CHD9: variants seen among roughly 807,000 people sequenced by gnomAD.
CHD9 encodes the protein chromodomain helicase DNA binding protein 9.
Under a neutral mutation model 316.1 loss-of-function variants are expected in CHD9, and 77 were observed. That is an observed-to-expected ratio of 0.24 (90% CI 0.20 to 0.29). The LOEUF (loss-of-function observed/expected upper bound fraction) is 0.29. Among genes scored for constraint, CHD9 ranks in the 10% least tolerant of loss-of-function variants. The probability of loss-of-function intolerance (pLI) is 1.00; values close to 1 mark genes in which losing one functional copy is unlikely to be tolerated. For synonymous variants in CHD9, 1,129 were observed against 1,158.3 expected (o/e 0.97, Z 0.51); for missense variants, 2,763 against 3,438.1 (o/e 0.80, Z 4.91).
chr16:53,263,217 G>A, intron 20 of CHD9, 120 bp downstream of exon 20: 1 of 642,446 alleles, frequency 1.6e-6, no homozygotes, highest in South Asian at 2.2e-5. Context: ...TATATAAATT[G>A]AAGTAGGGTA....
In CHD9 at chr16:53,326,511, AC is replaced by A. The variant is rs1041281182; in HGVS notation, c.*1617del. ...TGTAAAATAACCCCTTATTAGAGAG[AC>A]AGTGTTATATGTATTTACAAAATTA... is the stretch of plus-strand genomic sequence containing the variant. On this transcript the variant is annotated 3_prime_UTR_variant, in exon 39 of 39. Coordinates refer to ENST00000447540, the MANE Select transcript of CHD9 (RefSeq NM_001308319.2). 2.0e-5 allele frequency: 3 copies of A among 152,450 alleles called. No homozygotes were observed. The highest frequency in any genetic ancestry group is 6.6e-5 in the Admixed American group (1 of 15,260). The allele number at this position is 152,450 out of a possible 1,614,324, so 9.4% of individuals were successfully genotyped here.
chr16:53,180,683 A>AT (rs537506077), intron 2 of CHD9, among the ~76,000 whole-genome samples: 1,731 of 150,670 alleles, frequency 0.011, 29 homozygotes, highest in African/African-American at 0.04. Flanking sequence ...TAAATTTATT[A>AT]TTTTTTTTTG....
chr16:53,250,088 C>CA (rs2152966414), intron 17 of CHD9, 22 bp downstream of exon 17: 2 of 1,549,084 alleles, frequency 1.3e-6, no homozygotes, highest in South Asian at 1.2e-5. Context: ...CCTTGGCTAA[C>CA]AAAAAATGCA....
In CHD9 at chr16:53,307,697, A is replaced by C; in HGVS notation, c.6797A>C (p.Asn2266Thr). ...CTTTTCTAGGATCGTGTGATGATCA[A>C]TAGGTTGGACAGTATTTGTCAAACA... is the stretch of plus-strand genomic sequence containing the variant. Reference protein sequence around the residue: ...SYWPKDRVMINRLDSICQTVL... With the variant: ...SYWPKDRVMITRLDSICQTVL... Residue 2266 changes from asparagine (N) to threonine (T), a missense_variant, in exon 33 of 39, where the codon AAT becomes ACT. Transcript: ENST00000447540. The C allele has an allele frequency of 6.2e-7, 1 of 1,608,940 alleles. No homozygotes were observed. The highest frequency in any genetic ancestry group is 8.5e-7 in the Non-Finnish European group (1 of 1,177,458).
intron 30 of CHD9, among the ~76,000 whole-genome samples, chr16:53,302,906 A>G (rs150582114): frequency 1.3e-5 from 2 of 152,330 alleles, no homozygotes; most frequent in East Asian, 3.9e-4. Flanking sequence ...TATCAGAGGT[A>G]TGAGGTAGCA....
chr16:53,167,088 A>G (rs1370701842), intron 2 of CHD9, among the ~76,000 whole-genome samples: 2 of 152,172 alleles, frequency 1.3e-5, no homozygotes, highest in South Asian at 2.1e-4. Context: ...CAGTACCCAC[A>G]CTATGGACAG....
chr16:53,172,471 A>G (rs1470842039), intron 2 of CHD9, among the ~76,000 whole-genome samples: 2 of 152,196 alleles, frequency 1.3e-5, no homozygotes, highest in Non-Finnish European at 2.9e-5. Flanking sequence ...ATCAATGAAG[A>G]CACTATGAAC....
Position 53,255,625 on chromosome 16 carries a change from T to C in CHD9, c.4055T>C (p.Ile1352Thr). 4 of 1,612,946 alleles carry C rather than the reference T, an allele frequency of 2.5e-6. No homozygotes were observed. The highest frequency in any genetic ancestry group is 2.5e-6 in the Non-Finnish European group (3 of 1,179,578). Residue 1352 changes from isoleucine to threonine, a missense_variant, in exon 19 of 39, where the codon ATA becomes ACA. This residue lies in a region of CHD9 where 199 missense variants were observed against 251.7 expected (regional missense o/e 0.79). Transcript: ENST00000447540. ...GGIQQLSKKEIEDLLRRGAYG... is the reference protein window; with the variant it reads ...GGIQQLSKKETEDLLRRGAYG... Reference sequence around the variant, plus strand: ...ATTCAGCAGCTTTCCAAAAAGGAAATAGAAGATCTGCTTCGAAGAGGTGCT... The same window carrying C: ...ATTCAGCAGCTTTCCAAAAAGGAAACAGAAGATCTGCTTCGAAGAGGTGCT...
chr16:53,079,817 G>T (rs1339950304), intron 1 of CHD9, among the ~76,000 whole-genome samples: 1 of 152,230 alleles, frequency 6.6e-6, no homozygotes, highest in Non-Finnish European at 1.5e-5. Flanking sequence ...CTCCCAGAGA[G>T]AGCATGGAAG....
chr16:53,144,632 G>A (rs180736018), intron 1 of CHD9, among the ~76,000 whole-genome samples: 1 of 151,560 alleles, frequency 6.6e-6, no homozygotes. Context: ...GGGTTCAAGC[G>A]ATTCTCCCGC....
intron 1 of CHD9, among the ~76,000 whole-genome samples, chr16:53,095,671 G>A (rs1596968540): frequency 6.6e-6 from 1 of 152,120 alleles, no homozygotes; most frequent in Non-Finnish European, 1.5e-5. Flanking sequence ...ATTCAGCTAC[G>A]GTCCACTTGT....
chr16:53,270,887 T>TA (rs1398310134), intron 22 of CHD9, among the ~76,000 whole-genome samples: 2 of 151,998 alleles, frequency 1.3e-5, no homozygotes, highest in Admixed American at 6.6e-5. Context: ...CAAAGCGGTT[T>TA]AAAAAAAGGC....
At chr16:53,132,956 G>A (rs567048785) in intron 1 of CHD9, among the ~76,000 whole-genome samples, 6 of 152,006 alleles carry the variant, frequency 3.9e-5, no homozygotes, top group Admixed American at 1.3e-4. Context: ...TTACAGGTGC[G>A]CGCCACCACG....
At chr16:53,092,270 T>C (rs1217561847) in intron 1 of CHD9, among the ~76,000 whole-genome samples, 2 of 139,402 alleles carry the variant, frequency 1.4e-5, no homozygotes, top group East Asian at 4.3e-4. Context: ...ATCCAACCCA[T>C]GACTTTTCTC....
intron 2 of CHD9, among the ~76,000 whole-genome samples, chr16:53,158,811 A>AT (rs2041707276): frequency 6.6e-6 from 1 of 151,378 alleles, no homozygotes; most frequent in Admixed American, 6.6e-5. Flanking sequence ...CTTTTTTTGT[A>AT]TTTTTTGTAA....
rs909106802 is a variant in CHD9 at position 53,184,133 on chromosome 16, A to G, written c.1453-25349A>G. Among the ~76,000 whole-genome samples, 71 of 152,000 alleles carry G rather than the reference A, an allele frequency of 4.7e-4. 1 individual carries two copies. Among genetic ancestry groups the G allele is most frequent in the Admixed American group, 3.8e-3 (58 of 15,262 alleles). ...CTAATTTTTTGTGTTTTTAGTAGAG[A>G]TGGGGTTTCACCATGTTAGCCAGGA... On this transcript the variant is annotated intron_variant, in intron 2 of 38. Coordinates refer to ENST00000447540, the MANE Select transcript of CHD9 (RefSeq NM_001308319.2).
At chr16:53,256,276 A>G (rs2050581451) in intron 19 of CHD9, among the ~76,000 whole-genome samples, 1 of 151,984 alleles carries the variant, frequency 6.6e-6, no homozygotes, top group Admixed American at 6.6e-5. Context: ...CTTAAGGGGT[A>G]AGATGAAATT....
chr16:53,174,376 A>G (rs889341237), intron 2 of CHD9, among the ~76,000 whole-genome samples: 7 of 152,202 alleles, frequency 4.6e-5, no homozygotes, highest in African/African-American at 1.4e-4. Context: ...TAATCAGAGT[A>G]CATAATTTGT....
chr16:53,180,833 G>T (rs1474942000), intron 2 of CHD9, among the ~76,000 whole-genome samples: 1 of 151,392 alleles, frequency 6.6e-6, no homozygotes, highest in African/African-American at 2.4e-5. Context: ...CCGCCACCAC[G>T]CCCGGCTAAT....
Sources: allele counts gnomAD v4.1 joint callset (sites outside exome capture counted in the v4.1 genomes callset), GRCh38; gene constraint gnomAD v4.1.1; regional missense constraint gnomAD v4.1.1; transcripts MANE v1.5; gene names NCBI Gene and HGNC (gene_info 2026-07-23, HGNC 2026-07-21).